The following OSBPL10 variants were observed in gnomAD, a reference collection of about 807,000 sequenced individuals.
OSBPL10 encodes oxysterol binding protein like 10.
A neutral mutation model predicts 81.7 loss-of-function variants in OSBPL10; 49 were observed. That is an observed-to-expected ratio of 0.60 (90% CI 0.48 to 0.76). The LOEUF is 0.76. Ranked by LOEUF, OSBPL10 falls within the 30% of genes least tolerant of loss-of-function variation. OSBPL10 has a pLI of 0.00. For missense variants in OSBPL10, 923 were observed against 987.8 expected, an observed-to-expected ratio of 0.93 and a Z score of 0.88; for synonymous variants, 419 against 383.6, an observed-to-expected ratio of 1.09 and a Z score of -1.08.
intron 1 of OSBPL10, among the ~76,000 whole-genome samples, chr3:31,971,552 TAAAG>T (rs1042238843): frequency 1.3e-5 from 2 of 152,164 alleles, no homozygotes; most frequent in African/African-American, 4.8e-5. Flanking sequence ...ATTTTACAGA[TAAAG>T]AAACTGCGAC....
intron 6 of OSBPL10, among the ~76,000 whole-genome samples, chr3:31,717,843 CTG>C (rs1316822040): frequency 1.3e-5 from 2 of 152,200 alleles, no homozygotes; most frequent in African/African-American, 2.4e-5. Flanking sequence ...GCTTTAAAAA[CTG>C]TCACATTATC....
chr3:31,919,809 G>T (rs1400192913), intron 1 of OSBPL10, among the ~76,000 whole-genome samples: 2 of 152,200 alleles, frequency 1.3e-5, no homozygotes, highest in African/African-American at 4.8e-5. Context: ...CACAGGCACT[G>T]CAAATCTATC....
At chr3:32,059,306 A>T (rs1402411661) in intron 1 of OSBPL10, among the ~76,000 whole-genome samples, 1 of 148,292 alleles carries the variant, frequency 6.7e-6, no homozygotes, top group African/African-American at 2.5e-5. Context: ...AAACAACAAC[A>T]GGCCGGGCAC....
intron 1 of OSBPL10, among the ~76,000 whole-genome samples, chr3:31,914,568 T>A (rs555006887): frequency 6.6e-6 from 1 of 152,232 alleles, no homozygotes; most frequent in East Asian, 1.9e-4. Context: ...ATATCCAAGA[T>A]GGGACTCTGA....
At chr3:31,965,608 A>ATT (rs1362847627) in intron 1 of OSBPL10, among the ~76,000 whole-genome samples, 3 of 76,304 alleles carry the variant, frequency 3.9e-5, no homozygotes, top group African/African-American at 1.2e-4. Context: ...TATATAATAT[A>ATT]TTATATAAAT....
intron 1 of OSBPL10, among the ~76,000 whole-genome samples, chr3:31,923,459 C>T (rs1696978682): frequency 6.6e-6 from 1 of 152,174 alleles, no homozygotes; most frequent in South Asian, 2.1e-4. Flanking sequence ...CAAAAAACTG[C>T]CTCTTTTTCT....
intron 1 of OSBPL10, among the ~76,000 whole-genome samples, chr3:31,950,847 C>T (rs1313975512): frequency 6.6e-6 from 1 of 152,212 alleles, no homozygotes; most frequent in African/African-American, 2.4e-5. Context: ...CGCCATGTGA[C>T]ATGCCTGCTC....
Position 31,995,322 on chromosome 3 carries a change from C to T in OSBPL10, n.298+51169G>A, listed in dbSNP as rs60307779. ...ATAGGACAGACATCCCCAGAGCGGC[C>T]GTTTATAGACCTGCCCCCAGGAATG... is the stretch of plus-strand genomic sequence containing the variant. On this transcript the variant is annotated intron_variant and non_coding_transcript_variant, in intron 2 of 3. Transcript: ENST00000479173. Among the ~76,000 whole-genome samples, 296 of 152,192 alleles carry T rather than the reference C, an allele frequency of 1.9e-3. 1 individual carries two copies. The highest frequency in any genetic ancestry group is 6.8e-3 in the African/African-American group (281 of 41,538).
chr3:31,749,030 CCAAGGTCA>C (rs1055393681), intron 4 of OSBPL10, among the ~76,000 whole-genome samples: 27 of 152,158 alleles, frequency 1.8e-4, no homozygotes, highest in African/African-American at 6.5e-4. Flanking sequence ...AGCAACCCGC[CCAAGGTCA>C]CAAAGCCCAC....
rs558843116 is a variant in OSBPL10 at position 32,030,287 on chromosome 3, T to C, written n.298+16204A>G. On this transcript the variant is annotated intron_variant and non_coding_transcript_variant, in intron 2 of 3. Coordinates refer to the OSBPL10 transcript ENST00000479173. Reference sequence around the variant, plus strand: ...GGAGTTGTTCCTTTGGCCACGTGTATGCGAATCTATAAGAAAGGTGATACT... The same window carrying C: ...GGAGTTGTTCCTTTGGCCACGTGTACGCGAATCTATAAGAAAGGTGATACT... The C allele has an allele frequency of 2.5e-4, 103 of 415,850 alleles. 1 individual carries two copies. Among genetic ancestry groups the C allele is most frequent in the African/African-American group, 2.0e-3 (97 of 49,034 alleles). The allele number at this position is 415,850 out of a possible 1,614,324, so 25.8% of individuals were successfully genotyped here.
chr3:31,766,579 A>G (rs1320617187), intron 4 of OSBPL10, among the ~76,000 whole-genome samples: 1 of 151,936 alleles, frequency 6.6e-6, no homozygotes, highest in Non-Finnish European at 1.5e-5. Context: ...GCCTCAAGCA[A>G]TCTTCCTCCT....
chr3:31,822,579 T>C (rs1351455611), intron 4 of OSBPL10, among the ~76,000 whole-genome samples: 1 of 152,070 alleles, frequency 6.6e-6, no homozygotes, highest in Non-Finnish European at 1.5e-5. Flanking sequence ...TTGAAGTAAG[T>C]GTGAGCCGCG....
At chr3:32,012,784 G>T (rs1033000502) in intron 2 of OSBPL10, among the ~76,000 whole-genome samples, 1 of 152,114 alleles carries the variant, frequency 6.6e-6, no homozygotes, top group African/African-American at 2.4e-5. Context: ...AAAGGCAGGG[G>T]TTGCAATCCT....
intron 8 of OSBPL10, among the ~76,000 whole-genome samples, chr3:31,679,230 T>A (rs146626956): frequency 3.3e-4 from 51 of 152,298 alleles, no homozygotes; most frequent in African/African-American, 1.2e-3. Context: ...CTTGCTGAGG[T>A]CCACATTATT....
intron 4 of OSBPL10, among the ~76,000 whole-genome samples, chr3:31,783,957 T>C (rs780195654): frequency 6.7e-6 from 1 of 149,778 alleles, no homozygotes; most frequent in Non-Finnish European, 1.5e-5. Context: ...AAATCCATTT[T>C]TAAAAACATT....
intron 4 of OSBPL10, among the ~76,000 whole-genome samples, chr3:31,777,657 G>A (rs552310646): frequency 1.3e-5 from 2 of 152,306 alleles, no homozygotes; most frequent in East Asian, 3.9e-4. Flanking sequence ...CTCCTTGCAG[G>A]CCACTGCAAA....
chr3:31,837,499 C>T (rs1360639716), intron 3 of OSBPL10, among the ~76,000 whole-genome samples: 2 of 150,204 alleles, frequency 1.3e-5, no homozygotes, highest in East Asian at 3.9e-4. Flanking sequence ...TTACAGTAAC[C>T]ATCATATTTA....
chr3:31,764,000 A>T (rs1356154373), intron 4 of OSBPL10, among the ~76,000 whole-genome samples: 1 of 152,228 alleles, frequency 6.6e-6, no homozygotes, highest in African/African-American at 2.4e-5. Flanking sequence ...CAGAAGAGAG[A>T]ACACAATTCC....
chr3:31,940,275 T>C (rs12630931), intron 1 of OSBPL10, among the ~76,000 whole-genome samples: 32,095 of 152,222 alleles, frequency 0.21, 3,922 homozygotes, highest in Non-Finnish European at 0.28. Flanking sequence ...CTCAACAATG[T>C]GGCTGAGCTC....
Sources: allele counts gnomAD v4.1 joint callset (sites outside exome capture counted in the v4.1 genomes callset), GRCh38; gene constraint gnomAD v4.1.1; transcripts MANE v1.5; gene names NCBI Gene and HGNC (gene_info 2026-07-23, HGNC 2026-07-21).